The following PRKD1 variants were observed in gnomAD, a reference collection of about 807,000 sequenced individuals.
The protein encoded by PRKD1 is serine/threonine-protein kinase D1.
Under a neutral mutation model 95.9 loss-of-function variants are expected in PRKD1, and 63 were observed. That is an observed-to-expected ratio of 0.66 (90% CI 0.54 to 0.81). The LOEUF (loss-of-function observed/expected upper bound fraction) is 0.81. Among genes scored for constraint, PRKD1 ranks in the 30% least tolerant of loss-of-function variants. The pLI is 0.00. For synonymous variants in PRKD1, 425 were observed against 423.1 expected, an observed-to-expected ratio of 1.00 and a Z score of -0.05; for missense variants, 1,048 against 1,165.3, an observed-to-expected ratio of 0.90 and a Z score of 1.47.
chr14:29,593,855 C>T (rs1893211019), intron 16 of PRKD1, among the ~76,000 whole-genome samples: 1 of 152,084 alleles, frequency 6.6e-6, no homozygotes, highest in Non-Finnish European at 1.5e-5. Context: ...ATGCAGAATG[C>T]CAGCACTCAG....
chr14:29,782,612 C>A (rs61978059), intron 1 of PRKD1, among the ~76,000 whole-genome samples: 7,877 of 152,200 alleles, frequency 0.052, 306 homozygotes, highest in Non-Finnish European at 0.077. Context: ...GTCACTGCAG[C>A]CTCCACCTCC....
chr14:29,809,416 C>T (rs534052877), intron 1 of PRKD1, among the ~76,000 whole-genome samples: 2 of 152,312 alleles, frequency 1.3e-5, no homozygotes, highest in South Asian at 4.1e-4. Context: ...ATCCTAGATG[C>T]TTCTTCTTCC....
At chr14:29,590,476 C>T (rs1466205356) in intron 16 of PRKD1, among the ~76,000 whole-genome samples, 4 of 152,142 alleles carry the variant, frequency 2.6e-5, no homozygotes, top group African/African-American at 9.7e-5. Context: ...CTGACAGAAT[C>T]CCATTATGAA....
At chr14:29,827,933 C>T (rs150962150) in intron 1 of PRKD1, among the ~76,000 whole-genome samples, 11 of 151,926 alleles carry the variant, frequency 7.2e-5, no homozygotes, top group Admixed American at 5.3e-4. Context: ...CCCACTGTAT[C>T]TCCCTCCCTC....
intron 1 of PRKD1, among the ~76,000 whole-genome samples, chr14:29,858,048 G>C (rs763568987): frequency 1.2e-4 from 19 of 152,190 alleles, no homozygotes; most frequent in Non-Finnish European, 2.4e-4. Context: ...GAGAAAACTA[G>C]TTCTGAGTTC....
chr14:29,912,239 G>A (rs762132272), intron 1 of PRKD1, among the ~76,000 whole-genome samples: 1 of 151,968 alleles, frequency 6.6e-6, no homozygotes, highest in Non-Finnish European at 1.5e-5. Context: ...AAGGTTCCAG[G>A]GATTAGGATG....
intron 1 of PRKD1, among the ~76,000 whole-genome samples, chr14:29,889,249 A>G (rs559644718): frequency 2.4e-4 from 36 of 152,332 alleles, no homozygotes; most frequent in South Asian, 6.2e-4. Flanking sequence ...AGGCCCATTG[A>G]AAACAACACC....
At chr14:29,717,752 G>A (rs1297815557) in intron 2 of PRKD1, among the ~76,000 whole-genome samples, 2 of 152,100 alleles carry the variant, frequency 1.3e-5, no homozygotes, top group East Asian at 3.9e-4. Flanking sequence ...ATATAATGCA[G>A]CAGAATGGAA....
intron 1 of PRKD1, among the ~76,000 whole-genome samples, chr14:29,925,552 G>A (rs1334390185): frequency 3.9e-5 from 6 of 152,040 alleles, no homozygotes; most frequent in Non-Finnish European, 7.4e-5. Flanking sequence ...TAGCTTCTGA[G>A]ACACCTGGAA....
chr14:29,810,513 C>A (rs1367924970), intron 1 of PRKD1, among the ~76,000 whole-genome samples: 1 of 152,190 alleles, frequency 6.6e-6, no homozygotes, highest in African/African-American at 2.4e-5. Flanking sequence ...TCAGCATGCT[C>A]CTTTTTATAA....
At chr14:29,766,424 A>T (rs374779823) in intron 1 of PRKD1, among the ~76,000 whole-genome samples, 1 of 152,152 alleles carries the variant, frequency 6.6e-6, no homozygotes, top group African/African-American at 2.4e-5. Flanking sequence ...GCTTAATGCA[A>T]CTTAGCTTTG....
intron 1 of PRKD1, among the ~76,000 whole-genome samples, chr14:29,826,851 A>G (rs1205344863): frequency 1.1e-5 from 1 of 89,600 alleles, no homozygotes; most frequent in African/African-American, 4.6e-5. Context: ...ACACATATAT[A>G]TATATATATA....
At chr14:29,915,572 G>C (rs1005069633) in intron 1 of PRKD1, among the ~76,000 whole-genome samples, 5 of 152,074 alleles carry the variant, frequency 3.3e-5, no homozygotes, top group African/African-American at 9.7e-5. Flanking sequence ...GGTGGGAAGT[G>C]GGGGGGAATC....
chr14:29,646,694 G>C (rs1881146340), intron 4 of PRKD1, among the ~76,000 whole-genome samples: 1 of 151,486 alleles, frequency 6.6e-6, no homozygotes, highest in African/African-American at 2.4e-5. Flanking sequence ...GGAAAACACA[G>C]TGGTGAATGC....
chr14:29,730,600 T>C (rs1300356742), intron 1 of PRKD1, among the ~76,000 whole-genome samples: 1 of 152,162 alleles, frequency 6.6e-6, no homozygotes, highest in Non-Finnish European at 1.5e-5. Flanking sequence ...TTATTCACAA[T>C]AGCCAAGATA....
chr14:29,894,732 GGA>G (rs1194097905), intron 1 of PRKD1, among the ~76,000 whole-genome samples: 2 of 152,140 alleles, frequency 1.3e-5, no homozygotes, highest in African/African-American at 4.8e-5. Flanking sequence ...GAGAGAGGAT[GGA>G]GAGACAGTAG....
intron 4 of PRKD1, among the ~76,000 whole-genome samples, chr14:29,662,586 G>A (rs751732880): frequency 6.6e-6 from 1 of 152,040 alleles, no homozygotes; most frequent in Non-Finnish European, 1.5e-5. Flanking sequence ...TTATAAAAGA[G>A]TATGGGATTT....
At chr14:29,823,564 T>C (rs918200449) in intron 1 of PRKD1, among the ~76,000 whole-genome samples, 6 of 152,192 alleles carry the variant, frequency 3.9e-5, no homozygotes, top group African/African-American at 1.4e-4. Context: ...TATTGCCACT[T>C]CTTTTGTGCT....
intron 13 of PRKD1, among the ~76,000 whole-genome samples, chr14:29,605,075 A>G (rs547456882): frequency 6.6e-6 from 1 of 151,970 alleles, no homozygotes; most frequent in Non-Finnish European, 1.5e-5. Flanking sequence ...CATCTCTCAC[A>G]CTGACCCCTT....
Sources: gnomAD v4.1 joint callset for allele counts (sites outside exome capture counted in the v4.1 genomes callset) on GRCh38, gnomAD v4.1.1 for gene constraint, MANE v1.5 for transcripts, NCBI Gene and HGNC (gene_info 2026-07-23, HGNC 2026-07-21) for gene names.